ESR1: variants seen among roughly 807,000 people sequenced by gnomAD.
ESR1 encodes estrogen receptor 1, also known as estrogen receptor.
A neutral mutation model predicts 52.7 loss-of-function variants in ESR1; 12 were observed. That is an observed-to-expected ratio of 0.23 (90% CI 0.15 to 0.37). The LOEUF (loss-of-function observed/expected upper bound fraction) is 0.37, where lower values mean the gene tolerates loss of function less well. Among genes scored for constraint, ESR1 ranks in the 10% least tolerant of loss-of-function variants. ESR1 has a pLI of 1.00. For missense variants in ESR1, 584 were observed against 779.7 expected (o/e 0.75, Z 2.99); for synonymous variants, 305 against 316.8 (o/e 0.96, Z 0.39).
chr6:151,847,008 C>G (rs1347505865), intron 2 of ESR1, among the ~76,000 whole-genome samples: 5 of 152,172 alleles, frequency 3.3e-5, no homozygotes, highest in Admixed American at 6.5e-5. Flanking sequence ...GGGCTCAGGC[C>G]TACCTATACA....
chr6:152,123,518 TAAG>T (rs2052200613), intron 6 of ESR1, among the ~76,000 whole-genome samples: 1 of 152,214 alleles, frequency 6.6e-6, no homozygotes, highest in African/African-American at 2.4e-5. Flanking sequence ...TCAGAACTCT[TAAG>T]AAGGACTGCC....
upstream of ESR1, among the ~76,000 whole-genome samples, chr6:151,801,166 A>C (rs1583344330): frequency 6.6e-6 from 1 of 152,146 alleles, no homozygotes; most frequent in East Asian, 1.9e-4. Context: ...ATAGAGAAAT[A>C]ATACTCTAAG....
intron 4 of ESR1, among the ~76,000 whole-genome samples, chr6:151,976,291 T>C (rs2039429245): frequency 6.6e-6 from 1 of 152,228 alleles, no homozygotes; most frequent in Non-Finnish European, 1.5e-5. Context: ...CCTAAGACTC[T>C]GAGATTCTAT....
intron 6 of ESR1, among the ~76,000 whole-genome samples, chr6:152,065,912 A>C (rs2047929766): frequency 6.6e-6 from 1 of 152,250 alleles, no homozygotes; most frequent in Admixed American, 6.5e-5. Context: ...GTCAAAATTC[A>C]TAGACATTTA....
chr6:151,897,783 A>G (rs529880679), intron 3 of ESR1, among the ~76,000 whole-genome samples: 93 of 152,214 alleles, frequency 6.1e-4, no homozygotes, highest in Non-Finnish European at 1.1e-3. Flanking sequence ...TATACCTCCA[A>G]TGAGATTTAC....
intron 5 of ESR1, among the ~76,000 whole-genome samples, chr6:152,018,306 AT>A (rs1259231754): frequency 2.7e-5 from 4 of 146,944 alleles, no homozygotes; most frequent in East Asian, 2.1e-4. Flanking sequence ...CAGAAAAAAA[AT>A]ATGCAAAAAA....
At chr6:152,047,165 T>C (rs1049496168) in intron 5 of ESR1, among the ~76,000 whole-genome samples, 1 of 152,086 alleles carries the variant, frequency 6.6e-6, no homozygotes, top group African/African-American at 2.4e-5. Flanking sequence ...TAGAACATAC[T>C]ACAGTTGGAG....
At chr6:152,048,416 C>A (rs2046409328) in intron 5 of ESR1, among the ~76,000 whole-genome samples, 1 of 151,402 alleles carries the variant, frequency 6.6e-6, no homozygotes, top group South Asian at 2.1e-4. Flanking sequence ...CTCAGATACT[C>A]CCCTGCCCCC....
At chr6:151,992,938 G>A (rs1562643351) in intron 4 of ESR1, among the ~76,000 whole-genome samples, 1 of 152,032 alleles carries the variant, frequency 6.6e-6, no homozygotes, top group East Asian at 1.9e-4. Context: ...ATGCTTTTTG[G>A]TTTAGTTAAG....
chr6:151,702,037 C>T (rs1435635516), intron 2 of ESR1: 6 of 152,208 alleles, frequency 3.9e-5, no homozygotes, highest in Non-Finnish European at 8.8e-5. Context: ...TCCTCTTTCT[C>T]TCTCCTGACT....
intron 6 of ESR1, among the ~76,000 whole-genome samples, chr6:152,123,116 A>G (rs1468023351): frequency 2.0e-5 from 3 of 152,252 alleles, no homozygotes; most frequent in African/African-American, 7.2e-5. Context: ...CATACCAAGT[A>G]TCCCATCTAG....
intron 3 of ESR1, among the ~76,000 whole-genome samples, chr6:151,902,767 A>G (rs1796880548): frequency 6.6e-6 from 1 of 152,234 alleles, no homozygotes; most frequent in Non-Finnish European, 1.5e-5. Context: ...TGAGCCCTTC[A>G]TATAAATTGG....
At chr6:152,081,822 T>C (rs2049247640) in intron 6 of ESR1, among the ~76,000 whole-genome samples, 1 of 152,110 alleles carries the variant, frequency 6.6e-6, no homozygotes, top group South Asian at 2.1e-4. Flanking sequence ...AAATACAAAC[T>C]ACCATCAGAG....
chr6:151,694,119 T>G (rs1057229475), intron 1 of ESR1, among the ~76,000 whole-genome samples: 4 of 152,192 alleles, frequency 2.6e-5, no homozygotes, highest in African/African-American at 9.7e-5. Context: ...TGAACAACGT[T>G]ATGATTCCTG....
Position 152,094,345 on chromosome 6 carries a change from C to T in ESR1, c.1370-40C>T, listed in dbSNP as rs752504258. 1.3e-6 allele frequency: 2 copies of T among 1,593,318 alleles called. No homozygotes were observed. Among genetic ancestry groups the T allele is most frequent in the African/African-American group, 2.7e-5 (2 of 74,596 alleles). On this transcript the variant is annotated intron_variant, in intron 6 of 7. Coordinates refer to ENST00000206249, the MANE Select transcript of ESR1 (RefSeq NM_000125.4). The surrounding 1 kb of genome is among the most constrained non-coding windows in gnomAD (Gnocchi z 4.6). ...CTCTGGGTCTCCTAGACCTCATCCT[C>T]TTTGAGCTTCTCTCTCTCACTCTCT...
At chr6:151,932,260 A>C (rs989263899) in intron 3 of ESR1, among the ~76,000 whole-genome samples, 2 of 151,752 alleles carry the variant, frequency 1.3e-5, no homozygotes, top group African/African-American at 4.8e-5. Context: ...TCTTTTGAGA[A>C]GTGTCTGTTC....
At chr6:152,084,126 C>T (rs567707936) in intron 6 of ESR1, among the ~76,000 whole-genome samples, 8 of 152,114 alleles carry the variant, frequency 5.3e-5, no homozygotes, top group African/African-American at 9.7e-5. Context: ...TTTGCAGGGA[C>T]GTGGATGAAG....
At chr6:151,950,911 G>A (rs997552588) in intron 4 of ESR1, among the ~76,000 whole-genome samples, 2 of 151,504 alleles carry the variant, frequency 1.3e-5, no homozygotes, top group African/African-American at 4.9e-5. Flanking sequence ...GTATTTTTGA[G>A]GCAAAAGAAA....
intron 2 of ESR1, among the ~76,000 whole-genome samples, chr6:151,854,309 C>T (rs1437336584): frequency 6.6e-6 from 1 of 151,978 alleles, no homozygotes; most frequent in African/African-American, 2.4e-5. Context: ...GTTAATTTTC[C>T]ACTTACGTGT....
Sources: gnomAD v4.1 joint callset for allele counts (sites outside exome capture counted in the v4.1 genomes callset) on GRCh38, gnomAD v4.1.1 for gene constraint, Gnocchi (gnomAD v3.1) non-coding constraint, MANE v1.5 for transcripts, NCBI Gene and HGNC (gene_info 2026-07-23, HGNC 2026-07-21) for gene names.